MAP3K15: variants seen among roughly 807,000 people sequenced by gnomAD.
MAP3K15 encodes the protein MAPK/ERK kinase kinase 15.
MAP3K15 carries 124 observed loss-of-function variants against 99.5 expected under a neutral mutation model. The observed-to-expected ratio is 1.25, with a 90% confidence interval of 1.08 to 1.45. The LOEUF is 1.45. Among genes scored for constraint, MAP3K15 ranks in the 40% most tolerant of loss-of-function variants. The pLI, the probability that MAP3K15 is intolerant of heterozygous loss-of-function variation, is 0.00. For missense variants in MAP3K15, 1,242 were observed against 1,079.7 expected, an observed-to-expected ratio of 1.15 and a Z score of -2.11; for synonymous variants, 494 against 439.6, an observed-to-expected ratio of 1.12 and a Z score of -1.55.
chrX:19,492,097 T>C (rs1274522165), intron 1 of MAP3K15, among the ~76,000 whole-genome samples: 2 of 109,650 alleles, frequency 1.8e-5, no homozygotes, highest in Non-Finnish European at 3.8e-5. Flanking sequence ...AGTGCTAGGA[T>C]TACAGCTGTG....
intron 9 of MAP3K15, among the ~76,000 whole-genome samples, chrX:19,418,627 T>C (rs2063756700): frequency 2.7e-5 from 3 of 111,148 alleles, no homozygotes; most frequent in Non-Finnish European, 5.7e-5. Context: ...GGACAGTATC[T>C]AGGAGAACTT....
chrX:19,512,640 T>G (rs2064527821), intron 1 of MAP3K15, among the ~76,000 whole-genome samples: 1 of 94,601 alleles, frequency 1.1e-5, no homozygotes, highest in African/African-American at 4.3e-5. Context: ...CACCACATCC[T>G]GCTTTTTTTT....
intron 26 of MAP3K15, among the ~76,000 whole-genome samples, chrX:19,361,865 A>G (rs1411558226): frequency 2.1e-5 from 2 of 94,437 alleles, no homozygotes; most frequent in African/African-American, 1.3e-4. Flanking sequence ...ACATCTTTCA[A>G]ATGCCTTTCC....
chrX:19,438,919 C>A (rs983949654), intron 6 of MAP3K15, among the ~76,000 whole-genome samples: 39 of 112,107 alleles, frequency 3.5e-4, no homozygotes, highest in Non-Finnish European at 7.5e-5. Flanking sequence ...ACACTGAGTC[C>A]GGGCACAGTG....
At chrX:19,389,403 A>G (rs1021215056) in intron 18 of MAP3K15, among the ~76,000 whole-genome samples, 2 of 110,013 alleles carry the variant, frequency 1.8e-5, no homozygotes, top group South Asian at 7.7e-4. Context: ...TCAGAGGAAC[A>G]CAGGGAGGGA....
intron 13 of MAP3K15, among the ~76,000 whole-genome samples, 194 bp from the exon 14 acceptor site, chrX:19,400,857 G>C (rs12014676): frequency 0.13 from 14,805 of 111,208 alleles, 1,862 homozygotes; most frequent in African/African-American, 0.39. Context: ...TGTGATACCT[G>C]AATCCCCTCT....
intron 18 of MAP3K15, among the ~76,000 whole-genome samples, chrX:19,389,550 G>A (rs181089253): frequency 2.8e-4 from 31 of 111,692 alleles, no homozygotes; most frequent in Middle Eastern, 4.6e-3. Context: ...AATTATATGC[G>A]GGGGAATTTC....
chrX:19,395,645 C>T (rs2063562958), intron 15 of MAP3K15, among the ~76,000 whole-genome samples: 1 of 111,528 alleles, frequency 9.0e-6, no homozygotes, highest in Non-Finnish European at 1.9e-5. Flanking sequence ...ACAACAGCAG[C>T]CACCTAATGG....
chrX:19,390,185 A>G (rs959296072), intron 18 of MAP3K15, among the ~76,000 whole-genome samples: 2 of 111,021 alleles, frequency 1.8e-5, no homozygotes, highest in Non-Finnish European at 3.8e-5. Flanking sequence ...CACATTATTT[A>G]CCAAAAATAA....
chrX:19,497,687 G>A (rs2064415734), intron 1 of MAP3K15: 1 of 110,810 alleles, frequency 9.0e-6, no homozygotes, highest in African/African-American at 3.3e-5. Flanking sequence ...CAATATTAAT[G>A]GCCATACAAG....
At chrX:19,396,083 T>C (rs1425673998) in intron 15 of MAP3K15, among the ~76,000 whole-genome samples, 1 of 111,696 alleles carries the variant, frequency 9.0e-6, no homozygotes, top group Non-Finnish European at 1.9e-5. Flanking sequence ...TTCTGCGTTC[T>C]AAAAACACTC....
chrX:19,472,093 A>C lies in MAP3K15; in HGVS notation c.526-7687T>G, dbSNP rs749303470. 1.2e-4 allele frequency among the ~76,000 whole-genome samples: 13 copies of C among 110,291 alleles called. 1 individual carries two copies. In the South Asian group the frequency reaches 5.1e-3, roughly 43 times the overall value. On this transcript the variant is annotated intron_variant, in intron 3 of 28. Transcript: ENST00000338883. ...CAAAACATTAGCCGGGCGTAGTGGC[A>C]GGCTCCTGTAGTCCCAGCTACTCCG...
intron 9 of MAP3K15, among the ~76,000 whole-genome samples, chrX:19,422,134 T>G (rs1602295201): frequency 9.1e-6 from 1 of 109,597 alleles, no homozygotes; most frequent in Admixed American, 9.7e-5. Flanking sequence ...GGACTTCATG[T>G]CTAAAACACC....
At chrX:19,446,936 G>A (rs1421577088) in intron 6 of MAP3K15, among the ~76,000 whole-genome samples, 4 of 110,762 alleles carry the variant, frequency 3.6e-5, no homozygotes, top group Non-Finnish European at 7.6e-5. Context: ...TATTGATTGA[G>A]ACAGGGCCTG....
intron 3 of MAP3K15, among the ~76,000 whole-genome samples, chrX:19,475,157 A>G (rs2064233790): frequency 9.0e-6 from 1 of 111,039 alleles, no homozygotes; most frequent in Admixed American, 9.6e-5. Context: ...CTACAACTAG[A>G]CGGTCCCATC....
At chrX:19,494,752 AAAGT>A (rs998357674) in intron 1 of MAP3K15, among the ~76,000 whole-genome samples, 3 of 110,664 alleles carry the variant, frequency 2.7e-5, no homozygotes, top group Non-Finnish European at 3.8e-5. Flanking sequence ...AGAAATTATG[AAAGT>A]AAGTAAGACT....
intron 13 of MAP3K15, among the ~76,000 whole-genome samples, chrX:19,406,484 G>A (rs757972426): frequency 8.9e-6 from 1 of 112,136 alleles, no homozygotes; most frequent in South Asian, 3.7e-4. Context: ...ACCACATACT[G>A]TATGATTCCA....
In MAP3K15 at chrX:19,426,331, C is replaced by G; in HGVS notation, c.1179G>C (p.Gly393=). The change falls in exon 8 of 29, where the codon GGG becomes GGC. Residue 393 remains glycine (G), a synonymous_variant. Transcript: ENST00000338883. The part of the protein sequence containing the change: ...RDSAIEWYRK[G]FELQSSLYSG... ...AATAGAGGGATGACTGGAGTTCAAACCCTTTGCGATACCTATAATTACAGA... is the reference window on the plus strand; with the variant it reads ...AATAGAGGGATGACTGGAGTTCAAAGCCTTTGCGATACCTATAATTACAGA... 3 of 1,108,630 alleles carry G rather than the reference C, an allele frequency of 2.7e-6. No homozygotes were observed. Among genetic ancestry groups the G allele is most frequent in the Non-Finnish European group, 3.6e-6 (3 of 835,786 alleles). The allele number at this position is 1,108,630 out of a possible 1,213,427, so 91.4% of individuals were successfully genotyped here. A position where few individuals can be genotyped will look rare whatever the true frequency, so the allele number is the denominator to read the frequency against.
chrX:19,385,274 T>C (rs2063487058), intron 18 of MAP3K15, among the ~76,000 whole-genome samples: 1 of 111,374 alleles, frequency 9.0e-6, no homozygotes, highest in South Asian at 3.8e-4. Context: ...TCACTAAGGA[T>C]AGAGCTAGTG....
Sources: allele counts gnomAD v4.1 joint callset (sites outside exome capture counted in the v4.1 genomes callset), GRCh38; gene constraint gnomAD v4.1.1; transcripts MANE v1.5; gene names NCBI Gene and HGNC (gene_info 2026-07-23, HGNC 2026-07-21).